CSMD1: variants seen among roughly 807,000 people sequenced by gnomAD.
CSMD1 encodes CUB and Sushi multiple domains 1, also known as CUB and sushi domain-containing protein 1.
In CSMD1, 213 loss-of-function variants were observed where a neutral mutation model predicts 417.5. That is an observed-to-expected ratio of 0.51 (90% confidence interval 0.46 to 0.57). The LOEUF (loss-of-function observed/expected upper bound fraction) is 0.57. Among genes scored for constraint, CSMD1 ranks in the 20% least tolerant of loss-of-function variants. The pLI is 0.00. For missense variants in CSMD1, 6,923 were observed against 4,529.7 expected (o/e 1.53, Z -15.17); for synonymous variants, 2,862 against 1,736.8 (o/e 1.65, Z -16.11).
intron 2 of CSMD1, among the ~76,000 whole-genome samples, chr8:4,509,769 A>G (rs528679836): frequency 6.6e-6 from 1 of 152,288 alleles, no homozygotes; most frequent in African/African-American, 2.4e-5. Context: ...CACACACACT[A>G]AATATCATAT....
At chr8:3,281,146 G>A (rs11996106) in intron 26 of CSMD1, among the ~76,000 whole-genome samples, 114,076 of 151,880 alleles carry the variant, frequency 0.75, 43,230 homozygotes, top group Admixed American at 0.84. Flanking sequence ...CCTTCAATAA[G>A]AAAATGGGTA....
chr8:3,652,328 C>T (rs1797898336), intron 7 of CSMD1, among the ~76,000 whole-genome samples: 1 of 151,952 alleles, frequency 6.6e-6, no homozygotes, highest in Non-Finnish European at 1.5e-5. Context: ...GGAGTGCTCA[C>T]CACCATCAGC....
At chr8:4,967,175 C>G (rs966985819) in intron 1 of CSMD1, among the ~76,000 whole-genome samples, 15 of 152,096 alleles carry the variant, frequency 9.9e-5, no homozygotes, top group African/African-American at 3.1e-4. Flanking sequence ...ATTTTAAACA[C>G]TATGAGCTGT....
intron 5 of CSMD1, among the ~76,000 whole-genome samples, chr8:3,976,022 C>G: frequency 6.6e-6 from 1 of 151,754 alleles, no homozygotes. Context: ...CTGAAAAGAT[C>G]AATATATTCA....
Position 4,176,725 on chromosome 8 carries a change from A to G in CSMD1, c.416-144626T>C, listed in dbSNP as rs913174560. Among the ~76,000 whole-genome samples the G allele has an allele frequency of 1.5e-4, 22 of 150,770 alleles. No homozygotes were observed. In the East Asian group the frequency reaches 4.3e-3, roughly 29 times the overall value. ...ACACACATAGGCTCAAAATAAAAGG[A>G]TGGAGGAAGATCTACCAAGCAAATG... On this transcript the variant is annotated intron_variant, in intron 3 of 69. Coordinates refer to ENST00000635120, the MANE Select transcript of CSMD1 (RefSeq NM_033225.6).
chr8:3,970,349 C>T (rs1362194498), intron 5 of CSMD1, among the ~76,000 whole-genome samples: 1 of 152,152 alleles, frequency 6.6e-6, no homozygotes, highest in African/African-American at 2.4e-5. Flanking sequence ...CATAAGATCG[C>T]AGCAGCTCAT....
At chr8:4,551,293 G>C (rs546022020) in intron 2 of CSMD1, among the ~76,000 whole-genome samples, 130 of 152,182 alleles carry the variant, frequency 8.5e-4, no homozygotes, top group South Asian at 5.2e-3. Context: ...AAGGCTGTAT[G>C]TGAAACCCAA....
At chr8:3,115,928 T>C (rs894667469) in intron 42 of CSMD1, among the ~76,000 whole-genome samples, 1 of 152,296 alleles carries the variant, frequency 6.6e-6, no homozygotes, top group South Asian at 2.1e-4. Flanking sequence ...TTGACCTATA[T>C]AGCAATCACT....
At chr8:3,046,564 T>C (rs1366818840) in intron 50 of CSMD1, among the ~76,000 whole-genome samples, 1 of 152,154 alleles carries the variant, frequency 6.6e-6, no homozygotes, top group Non-Finnish European at 1.5e-5. Context: ...TATCTCTATG[T>C]ACAGGCTGCT....
chr8:4,006,533 G>T (rs1393022356), intron 4 of CSMD1, among the ~76,000 whole-genome samples: 8 of 152,106 alleles, frequency 5.3e-5, no homozygotes, highest in Non-Finnish European at 1.2e-4. Flanking sequence ...ACAGAGTGAG[G>T]CCTTGCCTCA....
At chr8:3,439,909 A>T (rs1585167621) in intron 12 of CSMD1, among the ~76,000 whole-genome samples, 1 of 152,200 alleles carries the variant, frequency 6.6e-6, no homozygotes, top group African/African-American at 2.4e-5. Flanking sequence ...CACTGAAAAG[A>T]CTATTCTTCC....
chr8:3,313,089 G>A (rs932979154), intron 23 of CSMD1, among the ~76,000 whole-genome samples: 2 of 152,144 alleles, frequency 1.3e-5, no homozygotes, highest in Non-Finnish European at 2.9e-5. Flanking sequence ...CACTATTTCA[G>A]AAAAGAATGT....
chr8:4,811,079 G>C (rs1459025454), intron 1 of CSMD1, among the ~76,000 whole-genome samples: 5 of 152,160 alleles, frequency 3.3e-5, no homozygotes, highest in Non-Finnish European at 7.4e-5. Flanking sequence ...GACCCTGTTA[G>C]AGAAAGGTAT....
intron 10 of CSMD1, among the ~76,000 whole-genome samples, chr8:3,520,012 G>GTGTATAAATATATATATATATA (rs1225105460): frequency 8.3e-6 from 1 of 120,028 alleles, no homozygotes; most frequent in African/African-American, 4.0e-5. Context: ...GTGTGTGTGT[G>GTGTATAAATATATATATATATA]TATATACCTA....
chr8:4,780,002 C>T (rs976344197), intron 1 of CSMD1, among the ~76,000 whole-genome samples: 1 of 151,730 alleles, frequency 6.6e-6, no homozygotes, highest in Non-Finnish European at 1.5e-5. Flanking sequence ...ATTCTTTTCT[C>T]TTCTCTTTCA....
intron 3 of CSMD1, among the ~76,000 whole-genome samples, chr8:4,319,274 T>C (rs1403889249): frequency 6.6e-6 from 1 of 152,166 alleles, no homozygotes; most frequent in African/African-American, 2.4e-5. Flanking sequence ...TTTATCTTAG[T>C]AATGTCCTTT....
chr8:3,032,218 T>C (rs1240120002), intron 50 of CSMD1, among the ~76,000 whole-genome samples: 2 of 151,970 alleles, frequency 1.3e-5, no homozygotes, highest in Non-Finnish European at 2.9e-5. Context: ...CAAATTATCA[T>C]TTTATTTAAT....
chr8:4,936,033 G>C (rs186030235), intron 1 of CSMD1, among the ~76,000 whole-genome samples: 1 of 152,202 alleles, frequency 6.6e-6, no homozygotes, highest in African/African-American at 2.4e-5. Context: ...AATGCATTAG[G>C]GAGTGAAGAC....
intron 1 of CSMD1, among the ~76,000 whole-genome samples, chr8:4,869,523 G>A (rs1424617216): frequency 6.6e-6 from 1 of 152,022 alleles, no homozygotes; most frequent in Non-Finnish European, 1.5e-5. Context: ...ATCTAGGATA[G>A]TGTATCTATT....
Sources: allele counts gnomAD v4.1 joint callset (sites outside exome capture counted in the v4.1 genomes callset), GRCh38; gene constraint gnomAD v4.1.1; transcripts MANE v1.5; gene names NCBI Gene and HGNC (gene_info 2026-07-23, HGNC 2026-07-21).